Variants in EPHA7 observed in about 807,000 individuals in gnomAD.
EPHA7 encodes EPH receptor A7.
EPHA7 carries 25 observed loss-of-function variants against 112.6 expected under a neutral mutation model. That is an observed-to-expected ratio of 0.22 (90% CI 0.16 to 0.31). EPHA7 has a LOEUF of 0.31. Among genes scored for constraint, EPHA7 ranks in the 10% least tolerant of loss-of-function variants. EPHA7 has a pLI of 1.00. For missense variants in EPHA7, 962 were observed against 1,212.6 expected (o/e 0.79, Z 3.07); for synonymous variants, 437 against 406.5 (o/e 1.07, Z -0.90).
intron 14 of EPHA7, among the ~76,000 whole-genome samples, chr6:93,250,060 T>G (rs2631559): frequency 0.65 from 98,316 of 151,932 alleles, 32,868 homozygotes; most frequent in South Asian, 0.83. Flanking sequence ...AGATATAATG[T>G]TTTATACATT....
chr6:93,319,454 A>C (rs1213480051), intron 5 of EPHA7, among the ~76,000 whole-genome samples: 1 of 152,136 alleles, frequency 6.6e-6, no homozygotes, highest in African/African-American at 2.4e-5. Flanking sequence ...TGCCTGGAAT[A>C]CATGAATGAG....
At chr6:93,352,398 A>G (rs1582575757) in intron 5 of EPHA7, among the ~76,000 whole-genome samples, 1 of 152,126 alleles carries the variant, frequency 6.6e-6, no homozygotes, top group Admixed American at 6.6e-5. Flanking sequence ...GAAAAGGGGT[A>G]GTATTCTTCA....
rs1251015381 is a variant in EPHA7, at chr6:93,410,926, C to T, written c.407G>A (p.Arg136Lys). 6.2e-7 allele frequency: 1 copy of T among 1,613,794 alleles called. No individual in the cohort carries two copies. The highest frequency in any genetic ancestry group is 1.3e-5 in the African/African-American group (1 of 74,864). Residue 136 changes from arginine to lysine, a missense_variant, in exon 3 of 17, where the codon AGG becomes AAG. By Grantham distance (26) the Arg-to-Lys change is conservative (BLOSUM62 2). Transcript: ENST00000369303. This position sits in a 1 kb window ranked among gnomAD's most constrained non-coding sequence, Gnocchi z 4.0. Reference protein sequence around the residue: ...YYYETDYDTGRNIRENLYVKI... With the variant: ...YYYETDYDTGKNIRENLYVKI... Reference sequence around the variant, plus strand: ...TACATAGAGGTTTTCTCTTATATTCCTGCCAGTGTCATAGTCTGTTTCATA... The same window carrying T: ...TACATAGAGGTTTTCTCTTATATTCTTGCCAGTGTCATAGTCTGTTTCATA...
chr6:93,340,874 G>T (rs1223712837), intron 5 of EPHA7, among the ~76,000 whole-genome samples: 3 of 151,966 alleles, frequency 2.0e-5, no homozygotes, highest in South Asian at 2.1e-4. Flanking sequence ...TGTAAAGTTG[G>T]TTTTTATAGT....
At chr6:93,259,842 T>A (rs1333213835) in intron 9 of EPHA7, among the ~76,000 whole-genome samples, 2 of 152,006 alleles carry the variant, frequency 1.3e-5, no homozygotes, top group African/African-American at 4.8e-5. Context: ...GAAACACATT[T>A]GTAAATCTAC....
chr6:93,331,678 C>A (rs1050780039), intron 5 of EPHA7, among the ~76,000 whole-genome samples: 3 of 151,522 alleles, frequency 2.0e-5, no homozygotes, highest in Non-Finnish European at 3.0e-5. Context: ...ACAATTGAGG[C>A]AATGTTGCTT....
At chr6:93,290,992 AAAT>A (rs1185303170) in intron 5 of EPHA7, among the ~76,000 whole-genome samples, 2 of 152,252 alleles carry the variant, frequency 1.3e-5, no homozygotes, top group Admixed American at 1.3e-4. Context: ...TTTATGTTGC[AAAT>A]ACTACTCTGT....
intron 5 of EPHA7, among the ~76,000 whole-genome samples, chr6:93,353,169 C>A (rs1295025821): frequency 6.6e-6 from 1 of 151,980 alleles, no homozygotes; most frequent in African/African-American, 2.4e-5. Flanking sequence ...AAATTAAATA[C>A]ATATGTTTTC....
In EPHA7 at chr6:93,242,036, A is replaced by G. The variant is rs757856310; in HGVS notation, c.*1390T>C. The G allele has an allele frequency of 9.7e-5, 20 of 206,388 alleles. No homozygotes were observed. Among genetic ancestry groups the G allele is most frequent in the Non-Finnish European group, 1.7e-4 (17 of 100,700 alleles). 12.8% of individuals were successfully genotyped at this position (206,388 alleles called of 1,614,324 possible). Reference sequence around the variant, plus strand: ...AATTCTGGGGTAGTTCATGATTTTCATAAGTTTTGAAAGCATTAATCACAA... The same window carrying G: ...AATTCTGGGGTAGTTCATGATTTTCGTAAGTTTTGAAAGCATTAATCACAA... On this transcript the variant is annotated 3_prime_UTR_variant, in exon 17 of 17. Transcript: ENST00000369303.
chr6:93,417,261 C>T (rs1356716515), intron 1 of EPHA7, among the ~76,000 whole-genome samples: 1 of 152,144 alleles, frequency 6.6e-6, no homozygotes, highest in African/African-American at 2.4e-5. Flanking sequence ...GGCCCGGCAC[C>T]TGCTTCAAGC....
chr6:93,295,110 G>C (rs190948199), intron 5 of EPHA7, among the ~76,000 whole-genome samples: 2 of 151,788 alleles, frequency 1.3e-5, no homozygotes, highest in African/African-American at 2.4e-5. Context: ...AGGGAGAATG[G>C]GGAGAGAGAG....
At chr6:93,278,578 G>T (rs1166885388) in intron 5 of EPHA7, among the ~76,000 whole-genome samples, 1 of 151,956 alleles carries the variant, frequency 6.6e-6, no homozygotes, top group Non-Finnish European at 1.5e-5. Flanking sequence ...ACAAGTATTT[G>T]TTTGGCATTT....
At chr6:93,347,178 G>A (rs1469175853) in intron 5 of EPHA7, among the ~76,000 whole-genome samples, 2 of 151,764 alleles carry the variant, frequency 1.3e-5, no homozygotes, top group Admixed American at 1.3e-4. Flanking sequence ...TCTTAATCTT[G>A]TAGAAATTAT....
At chr6:93,371,938 A>G (rs1776820374) in intron 3 of EPHA7, among the ~76,000 whole-genome samples, 1 of 152,208 alleles carries the variant, frequency 6.6e-6, no homozygotes, top group Non-Finnish European at 1.5e-5. Context: ...AAAGCAGATG[A>G]CAGATTGTGA....
At chr6:93,263,689 C>T (rs1460719420) in intron 9 of EPHA7, among the ~76,000 whole-genome samples, 171 bp downstream of exon 9, 2 of 151,442 alleles carry the variant, frequency 1.3e-5, no homozygotes, top group Admixed American at 6.6e-5. Flanking sequence ...TTCAAATTCA[C>T]ATCACATGAT....
chr6:93,358,970 A>G (rs2127947721), intron 3 of EPHA7, among the ~76,000 whole-genome samples: 1 of 152,298 alleles, frequency 6.6e-6, no homozygotes, highest in African/African-American at 2.4e-5. Context: ...CCAAGATAGA[A>G]TTTCAACCAA....
intron 5 of EPHA7, among the ~76,000 whole-genome samples, chr6:93,294,461 T>A (rs779154396): frequency 5.9e-5 from 9 of 152,138 alleles, no homozygotes; most frequent in Non-Finnish European, 1.3e-4. Context: ...TGAAGATGAA[T>A]ATTTACTGGA....
intron 10 of EPHA7, among the ~76,000 whole-genome samples, chr6:93,258,764 T>C (rs374123938): frequency 8.0e-5 from 12 of 150,486 alleles, no homozygotes; most frequent in East Asian, 7.8e-4. Context: ...CTATTCCTTT[T>C]AATTTTGAGA....
intron 13 of EPHA7, 148 bp downstream of exon 13, chr6:93,255,680 C>CA (rs988623625): frequency 9.1e-6 from 5 of 547,632 alleles, no homozygotes; most frequent in Admixed American, 3.9e-5. Context: ...TCCAGAAAAA[C>CA]AAAAAACAAA....
Sources: gnomAD v4.1 joint callset for allele counts (sites outside exome capture counted in the v4.1 genomes callset) on GRCh38, gnomAD v4.1.1 for gene constraint, Gnocchi (gnomAD v3.1) non-coding constraint, MANE v1.5 for transcripts, NCBI Gene and HGNC (gene_info 2026-07-23, HGNC 2026-07-21) for gene names.